C12orf42: variants seen among roughly 807,000 people sequenced by gnomAD.
The protein encoded by C12orf42 is chromosome 12 open reading frame 42.
Under a neutral mutation model 21.6 loss-of-function variants are expected in C12orf42, and 25 were observed. That is an observed-to-expected ratio of 1.16 (90% CI 0.84 to 1.62). C12orf42 has a LOEUF of 1.62. C12orf42 is among the 40% of genes most tolerant of loss of function. The pLI, the probability that C12orf42 is intolerant of heterozygous loss-of-function variation, is 0.00. For synonymous variants in C12orf42, 174 were observed against 175.0 expected (o/e 0.99, Z 0.05); for missense variants, 483 against 459.3 (o/e 1.05, Z -0.47).
At chr12:103,389,795 T>C (rs781690125) in intron 3 of C12orf42, among the ~76,000 whole-genome samples, 4 of 152,194 alleles carry the variant, frequency 2.6e-5, no homozygotes, top group African/African-American at 9.7e-5. Flanking sequence ...CGAGGCTCAG[T>C]CTGATGCAGC....
the C12orf42 span, among the ~76,000 whole-genome samples, chr12:103,508,125 C>A: frequency 6.6e-6 from 1 of 152,000 alleles, no homozygotes; most frequent in Admixed American, 6.6e-5. Context: ...AGGTGGTCCC[C>A]AACTTACTAT....
chr12:103,261,476 CAAAAAAAAAAAAA>C (rs200549825), intron 10 of C12orf42, among the ~76,000 whole-genome samples: 4 of 78,836 alleles, frequency 5.1e-5, no homozygotes, highest in Middle Eastern at 8.2e-3. Context: ...GAGACTCTTT[CAAAAAAAAAAAAA>C]AAAAAAAAAG....
At chr12:103,421,172 C>T in intron 2 of C12orf42, among the ~76,000 whole-genome samples, 1 of 151,696 alleles carries the variant, frequency 6.6e-6, no homozygotes, top group Non-Finnish European at 1.5e-5. Context: ...ACACGAGAGG[C>T]CCAGGGGCTA....
chr12:103,555,129 C>A, the C12orf42 span, among the ~76,000 whole-genome samples: 2 of 152,132 alleles, frequency 1.3e-5, no homozygotes, highest in Non-Finnish European at 2.9e-5. Flanking sequence ...CTGGGTCCCA[C>A]CCTCAGAGAT....
the C12orf42 span, among the ~76,000 whole-genome samples, chr12:103,516,242 GAACA>G: frequency 3.5e-3 from 528 of 152,196 alleles, 2 homozygotes; most frequent in Non-Finnish European, 5.8e-3. Flanking sequence ...AATTTAAAAT[GAACA>G]AACAGAAAGA....
chr12:103,530,629 G>C, the C12orf42 span, among the ~76,000 whole-genome samples: 11 of 152,174 alleles, frequency 7.2e-5, no homozygotes, highest in South Asian at 8.3e-4. Flanking sequence ...AAGTGTTCGG[G>C]GGGGGAAAAC....
In C12orf42 at chr12:103,294,466, GAAAGAAA is replaced by G. The variant is rs1566025437; in HGVS notation, n.338-17263_338-17257del. On this transcript the variant is annotated intron_variant and non_coding_transcript_variant, in intron 4 of 6. Coordinates refer to the C12orf42 transcript ENST00000546526. ...AGAAAGAAAGAAAGAAAGAAAGAAA[GAAAGAAA>G]TAAGCAAGCAAGCAAGAAAGAAAGA... Among the ~76,000 whole-genome samples the G allele has an allele frequency of 3.5e-3, 392 of 111,888 alleles. 5 individuals are homozygous for G. Among genetic ancestry groups the G allele is most frequent in the African/African-American group, 0.013 (307 of 24,014 alleles). 73.4% of individuals were successfully genotyped at this position (111,888 alleles called of 152,430 possible).
intron 4 of C12orf42, among the ~76,000 whole-genome samples, chr12:103,342,347 C>T (rs1004636976): frequency 1.3e-5 from 2 of 152,096 alleles, no homozygotes; most frequent in African/African-American, 2.4e-5. Context: ...CTTACGATAC[C>T]TAAACGAGGA....
At chr12:103,124,179 T>C in the C12orf42 span, among the ~76,000 whole-genome samples, 1 of 103,256 alleles carries the variant, frequency 9.7e-6, no homozygotes, top group South Asian at 3.2e-4. Context: ...TTTTTTTTTT[T>C]TTTTTTTATG....
intron 2 of C12orf42, among the ~76,000 whole-genome samples, chr12:103,419,578 C>T (rs915642089): frequency 1.1e-4 from 17 of 152,080 alleles, no homozygotes; most frequent in African/African-American, 3.9e-4. Flanking sequence ...CCAGTGACTC[C>T]AACTGTCTGA....
intron 2 of C12orf42, among the ~76,000 whole-genome samples, chr12:103,409,914 G>A (rs896212511): frequency 2.0e-5 from 3 of 152,128 alleles, no homozygotes; most frequent in Admixed American, 2.0e-4. Flanking sequence ...TATGAAACCA[G>A]GCAAAAGTTA....
chr12:103,523,660 G>A, the C12orf42 span, among the ~76,000 whole-genome samples: 5 of 149,820 alleles, frequency 3.3e-5, no homozygotes, highest in South Asian at 4.3e-4. Flanking sequence ...ATAGACACTC[G>A]GTGTTTAGAA....
the C12orf42 span, among the ~76,000 whole-genome samples, chr12:103,533,874 G>T: frequency 6.6e-6 from 1 of 152,148 alleles, no homozygotes; most frequent in East Asian, 1.9e-4. Flanking sequence ...TCACTGCCTA[G>T]GTTTAAACAC....
chr12:103,142,648 C>T, the C12orf42 span, among the ~76,000 whole-genome samples: 1 of 152,022 alleles, frequency 6.6e-6, no homozygotes, highest in African/African-American at 2.4e-5. Context: ...AGTTTTTATT[C>T]TGTGATTGGA....
intron 4 of C12orf42, among the ~76,000 whole-genome samples, chr12:103,364,658 C>T (rs555258823): frequency 4.1e-4 from 62 of 151,972 alleles, no homozygotes; most frequent in African/African-American, 1.4e-3. Flanking sequence ...GATATTACAA[C>T]CAACATCAGA....
intron 3 of C12orf42, among the ~76,000 whole-genome samples, chr12:103,389,366 C>T (rs184098684): frequency 9.2e-5 from 14 of 152,326 alleles, no homozygotes; most frequent in South Asian, 2.1e-4. Flanking sequence ...TGTTCCCCAT[C>T]GTGACATGTA....
At chr12:103,249,701 T>C (rs1417216881) in intron 10 of C12orf42, among the ~76,000 whole-genome samples, 5 of 152,062 alleles carry the variant, frequency 3.3e-5, no homozygotes, top group Non-Finnish European at 7.4e-5. Context: ...ACAGCACATA[T>C]TAAATAAGAG....
At chr12:103,270,617 G>A (rs1014133158) in intron 5 of C12orf42, among the ~76,000 whole-genome samples, 1 of 148,982 alleles carries the variant, frequency 6.7e-6, no homozygotes, top group Non-Finnish European at 1.5e-5. Context: ...TAGGGTACAT[G>A]TGCACAATGT....
chr12:103,129,805 C>A, the C12orf42 span, among the ~76,000 whole-genome samples: 6 of 152,204 alleles, frequency 3.9e-5, no homozygotes, highest in Non-Finnish European at 8.8e-5. Flanking sequence ...CACTAAGTGG[C>A]CTTCCAGCTT....
Sources: allele counts gnomAD v4.1 joint callset (sites outside exome capture counted in the v4.1 genomes callset), GRCh38; gene constraint gnomAD v4.1.1; transcripts MANE v1.5; gene names NCBI Gene and HGNC (gene_info 2026-07-23, HGNC 2026-07-21).